The following FRMD7 variants were observed in gnomAD, a reference collection of about 807,000 sequenced individuals.
FRMD7 encodes FERM domain-containing protein 7.
FRMD7 carries 14 observed loss-of-function variants against 44.1 expected under a neutral mutation model. The observed-to-expected ratio is 0.32, with a 90% confidence interval of 0.21 to 0.50. The LOEUF is 0.50. Ranked by LOEUF, FRMD7 falls within the 20% of genes least tolerant of loss-of-function variation. The pLI is 0.99. For synonymous variants in FRMD7, 212 were observed against 187.4 expected (o/e 1.13, Z -1.07); for missense variants, 501 against 522.3 (o/e 0.96, Z 0.40).
chrX:132,118,062 C>T (rs1187130686), intron 1 of FRMD7, among the ~76,000 whole-genome samples: 1 of 111,194 alleles, frequency 9.0e-6, no homozygotes, highest in Non-Finnish European at 1.9e-5. Flanking sequence ...GGGAAGGAAT[C>T]GTGGCAGTGG....
chrX:132,079,890 TCAAA>T, intron 11 of FRMD7, 112 bp downstream of exon 11: 1 of 593,170 alleles, frequency 1.7e-6, no homozygotes, highest in Non-Finnish European at 3.0e-6. Flanking sequence ...GCTAACCTAC[TCAAA>T]CAGAGTAACC....
At chrX:132,080,511 G>A (rs1927773936) in intron 9 of FRMD7, among the ~76,000 whole-genome samples, 1 of 111,884 alleles carries the variant, frequency 8.9e-6, no homozygotes, top group African/African-American at 3.3e-5. Flanking sequence ...AAAAATTGTG[G>A]GCTTTAAAAA....
At chrX:132,092,625 A>T (rs942274162) in intron 5 of FRMD7, among the ~76,000 whole-genome samples, 3 of 111,965 alleles carry the variant, frequency 2.7e-5, no homozygotes, top group Admixed American at 1.9e-4. Flanking sequence ...CTATGCCTGA[A>T]ACGGCCACTA....
chrX:132,120,466 A>G (rs918545705), intron 1 of FRMD7, among the ~76,000 whole-genome samples: 2 of 112,891 alleles, frequency 1.8e-5, no homozygotes, highest in Non-Finnish European at 3.8e-5. Flanking sequence ...TTCCACAGAG[A>G]TTCCCACGAG....
chrX:132,084,639 A>C (rs944037077), intron 7 of FRMD7, 54 bp from the exon 8 acceptor site: 11 of 716,637 alleles, frequency 1.5e-5, no homozygotes, highest in Middle Eastern at 2.9e-4. Context: ...GTTGGCTTGT[A>C]AGACAGTGCA....
In FRMD7 at chrX:132,080,031, T is replaced by C; in HGVS notation, c.1025A>G (p.Asp342Gly). Residue 342 changes from aspartate to glycine, a missense_variant, in exon 11 of 12, where the codon GAC becomes GGC. By Grantham distance (94) the Asp-to-Gly change is moderately conservative (BLOSUM62 -1). Transcript: ENST00000298542. Reference sequence around the variant, plus strand: ...TTGTTTTGACACATCAGAGAGGAGGTCTGGTGAGGACCTGCACTGTCGTTC... The same window carrying C: ...TTGTTTTGACACATCAGAGAGGAGGCCTGGTGAGGACCTGCACTGTCGTTC... ...YHERQCRSSP[D>G]LLSDVSKQVE... The C allele has an allele frequency of 8.4e-7, 1 of 1,196,995 alleles. No homozygotes were observed. The highest frequency in any genetic ancestry group is 3.0e-5 in the East Asian group (1 of 33,779).
Position 132,119,720 on chromosome X carries a change from C to G in FRMD7, c.57+8068G>C, listed in dbSNP as rs766752171. ...TGTTTAGAACCAGGCAAGCTATATA[C>G]ATCAGAGAGTTCCGCAGCCCCCAGA... On this transcript the variant is annotated intron_variant, in intron 1 of 11. Coordinates refer to ENST00000298542, the MANE Select transcript of FRMD7 (RefSeq NM_194277.3). Among the ~76,000 whole-genome samples the G allele has an allele frequency of 2.7e-5, 3 of 111,571 alleles. No homozygotes were observed. In the South Asian group the frequency reaches 1.2e-3, roughly 43 times the overall value.
At chrX:132,098,051 A>G (rs1411175996) in intron 3 of FRMD7, among the ~76,000 whole-genome samples, 1 of 111,506 alleles carries the variant, frequency 9.0e-6, no homozygotes, top group East Asian at 2.8e-4. Flanking sequence ...AGTACTGGGG[A>G]AGCACAGAAG....
intron 1 of FRMD7, among the ~76,000 whole-genome samples, chrX:132,106,924 T>C (rs1928661029): frequency 8.9e-6 from 1 of 111,797 alleles, no homozygotes; most frequent in African/African-American, 3.2e-5. Flanking sequence ...TATTGGGTAC[T>C]GGGCTTAATA....
At chrX:132,086,447 A>C (rs1018467489) in intron 5 of FRMD7, among the ~76,000 whole-genome samples, 4 of 111,699 alleles carry the variant, frequency 3.6e-5, no homozygotes, top group Non-Finnish European at 7.5e-5. Flanking sequence ...GTAGCAGAGA[A>C]TGTGACTATA....
At chrX:132,108,247 C>T (rs1928693501) in intron 1 of FRMD7, among the ~76,000 whole-genome samples, 1 of 111,799 alleles carries the variant, frequency 8.9e-6, no homozygotes, top group African/African-American at 3.3e-5. Flanking sequence ...TTTCCAGCAG[C>T]TGGGTGGGAG....
At chrX:132,081,658 A>G (rs1054418988) in intron 9 of FRMD7, among the ~76,000 whole-genome samples, 1 of 112,967 alleles carries the variant, frequency 8.9e-6, no homozygotes, top group Non-Finnish European at 1.9e-5. Flanking sequence ...CACTCTTTGG[A>G]AAAAATCCTG....
Position 132,112,899 on chromosome X carries a change from G to A in FRMD7, c.58-12183C>T, listed in dbSNP as rs773121721. On this transcript the variant is annotated intron_variant, in intron 1 of 11. Coordinates refer to ENST00000298542, the MANE Select transcript of FRMD7 (RefSeq NM_194277.3). ...TGAGGCCTTATGCAGGCCTGACAAT[G>A]ACCTGGACAGGTTGCATCTGATTCA... Among the ~76,000 whole-genome samples, 14 of 111,813 alleles carry A rather than the reference G, an allele frequency of 1.3e-4. 1 individual carries two copies. The South Asian group carries it at 4.6e-3, about 36-fold the overall frequency.
rs150713137 is a variant in FRMD7 at position 132,081,996 on chromosome X, C to A, written c.905+367G>T. 6.0e-3 allele frequency among the ~76,000 whole-genome samples: 672 copies of A among 111,952 alleles called. 4 individuals carry two copies. Among genetic ancestry groups the A allele is most frequent in the African/African-American group, 0.021 (633 of 30,799 alleles). On this transcript the variant is annotated intron_variant, in intron 9 of 11. Coordinates refer to ENST00000298542, the MANE Select transcript of FRMD7 (RefSeq NM_194277.3). ...TCTAAATCTCTTATCCCCTCCAGTG[C>A]TTTCTCATGCTAGCTTTTACAACCC...
intron 1 of FRMD7, among the ~76,000 whole-genome samples, chrX:132,107,609 G>GAC (rs1457550969): frequency 4.7e-5 from 5 of 107,267 alleles, no homozygotes; most frequent in African/African-American, 1.0e-4. Flanking sequence ...ATGGTGGAGA[G>GAC]AGAGAGAGAG....
chrX:132,077,769 A>G lies in FRMD7; in HGVS notation c.*103T>C, dbSNP rs1927650205. 5 of 1,119,700 alleles carry G rather than the reference A, an allele frequency of 4.5e-6. No homozygotes were observed. In the Admixed American group the frequency reaches 1.2e-4, roughly 27 times the overall value. The allele number at this position is 1,119,700 out of a possible 1,213,427, so 92.3% of individuals were successfully genotyped here. A position where few individuals can be genotyped will look rare whatever the true frequency, so the allele number is the denominator to read the frequency against. ...TCCAAAATGAGATTTCCTTAATACC[A>G]ATGAATATGTAGTAACCAAGAAAAT... On this transcript the variant is annotated 3_prime_UTR_variant, in exon 12 of 12. Coordinates refer to ENST00000298542, the MANE Select transcript of FRMD7 (RefSeq NM_194277.3).
intron 1 of FRMD7, among the ~76,000 whole-genome samples, chrX:132,118,271 T>C (rs1928951774): frequency 1.8e-5 from 2 of 111,291 alleles, no homozygotes; most frequent in African/African-American, 6.5e-5. Flanking sequence ...ATTTCTTTAT[T>C]TGAAAAATCT....
chrX:132,078,751 G>C lies in FRMD7; in HGVS notation c.1266C>G (p.Val422=), dbSNP rs1569339612. ...SSFPFIYMDP[V]FNTEPNPNPD... is the part of the protein sequence containing the mutation. ...GGTTAGGATTGGGCTCAGTGTTAAA[G>C]ACAGGGTCCATATAAATAAAAGGGA... The change falls in exon 12 of 12, where the codon GTC becomes GTG. Residue 422 remains valine, a synonymous_variant. Transcript: ENST00000298542. 5 of 1,210,391 alleles carry C rather than the reference G, an allele frequency of 4.1e-6. No individual in the cohort carries two copies. Among genetic ancestry groups the C allele is most frequent in the Middle Eastern group, 2.3e-4 (1 of 4,349 alleles).
intron 5 of FRMD7, among the ~76,000 whole-genome samples, chrX:132,088,775 G>T (rs1017432019): frequency 6.1e-4 from 68 of 111,537 alleles, no homozygotes; most frequent in African/African-American, 2.2e-3. Flanking sequence ...ACAGAGGAAT[G>T]AATTTAATAA....
Sources: allele counts gnomAD v4.1 joint callset (sites outside exome capture counted in the v4.1 genomes callset), GRCh38; gene constraint gnomAD v4.1.1; transcripts MANE v1.5; gene names NCBI Gene and HGNC (gene_info 2026-07-23, HGNC 2026-07-21).